Variants in YTHDF3 observed in about 807,000 individuals in gnomAD.
The protein encoded by YTHDF3 is YTH N6-methyladenosine RNA binding protein F3, also known as YTH domain-containing family protein 3.
YTHDF3 carries 9 observed loss-of-function variants against 52.5 expected under a neutral mutation model. The ratio of observed to expected loss-of-function variants is 0.17; its 90% CI spans 0.10 to 0.30. The LOEUF (loss-of-function observed/expected upper bound fraction) is 0.30. YTHDF3 is among the 10% of genes least tolerant of loss of function. The pLI, the probability that YTHDF3 is intolerant of heterozygous loss-of-function variation, is 1.00. For missense variants in YTHDF3, 534 were observed against 715.0 expected (o/e 0.75, Z 2.89); for synonymous variants, 274 against 243.3 (o/e 1.13, Z -1.18).
chr8:63,192,953 A>G (rs556782152), intron 4 of YTHDF3, among the ~76,000 whole-genome samples: 2 of 152,076 alleles, frequency 1.3e-5, no homozygotes, highest in East Asian at 1.9e-4. Context: ...CCAAGTGAAT[A>G]TCTTGGAAAC....
chr8:63,208,518 C>T (rs867669931), intron 4 of YTHDF3, among the ~76,000 whole-genome samples: 3 of 152,308 alleles, frequency 2.0e-5, no homozygotes, highest in South Asian at 4.1e-4. Context: ...CACCTGTGAA[C>T]TTGTTAGAAA....
chr8:63,193,545 C>T (rs892866009), intron 4 of YTHDF3, among the ~76,000 whole-genome samples: 3 of 152,020 alleles, frequency 2.0e-5, no homozygotes, highest in Non-Finnish European at 2.9e-5. Context: ...TGCTTCATCC[C>T]AGGAGTTTGA....
At chr8:63,173,690 G>A (rs1298863193) in intron 2 of YTHDF3, 2 of 985,108 alleles carry the variant, frequency 2.0e-6, no homozygotes, top group Admixed American at 1.2e-4. Context: ...AGGTATGTCA[G>A]AATCTCTTGG....
At position 63,187,023 on chromosome 8, in the gene YTHDF3, G is replaced by C. The variant is rs1476575863; in HGVS notation, c.1012G>C (p.Ala338Pro). ...GCAGCAACAAGGACCTCAGCCACAG[G>C]CCCAGCCTCACCAAGTGCAGCCTCA... The part of the protein sequence containing the change: ...PQQQQGPQPQ[A>P]QPHQVQPQQQ... Residue 338 changes from alanine to proline, a missense_variant, in exon 4 of 5, where the codon GCC becomes CCC. Coordinates refer to ENST00000539294, the MANE Select transcript of YTHDF3 (RefSeq NM_152758.6). 1 of 1,613,338 alleles carries C rather than the reference G, an allele frequency of 6.2e-7. No individual in the cohort carries two copies. Among genetic ancestry groups the C allele is most frequent in the Admixed American group, 1.7e-5 (1 of 59,922 alleles).
chr8:63,186,577 A>C lies in YTHDF3; in HGVS notation c.566A>C (p.Gln189Pro), dbSNP rs774882606. ...GTGCCTGGCATTAGCAGTATTGAGC[A>C]AGGCATGACTGGACTGAAAATTGGT... is the stretch of plus-strand genomic sequence containing the variant. ...SKVPGISSIE[Q>P]GMTGLKIGGD... The change falls in exon 4 of 5, where the codon CAA (glutamine) becomes CCA (proline). Residue 189 changes from glutamine to proline, a missense_variant. Gln to Pro is a moderately conservative substitution (Grantham distance 76). Coordinates refer to ENST00000539294, the MANE Select transcript of YTHDF3 (RefSeq NM_152758.6). 13 of 1,613,986 alleles carry C rather than the reference A, an allele frequency of 8.1e-6. No individual in the cohort carries two copies. Among genetic ancestry groups the C allele is most frequent in the Non-Finnish European group, 4.2e-6 (5 of 1,179,886 alleles).
In YTHDF3 at chr8:63,188,267, G is replaced by A. The variant is rs548083259; in HGVS notation, c.1734+522G>A. On this transcript the variant is annotated intron_variant, in intron 4 of 4. Coordinates refer to ENST00000539294, the MANE Select transcript of YTHDF3 (RefSeq NM_152758.6). ...CTGCCTTAGACTCCCAAGTAGCTGG[G>A]ACTACAGACCTGTACCACTGAACCT... 3.9e-5 allele frequency among the ~76,000 whole-genome samples: 6 copies of A among 151,960 alleles called. No homozygotes were observed. The East Asian group carries it at 7.7e-4, about 20-fold the overall frequency.
chr8:63,192,158 A>G (rs2150381477), intron 4 of YTHDF3, among the ~76,000 whole-genome samples: 1 of 152,210 alleles, frequency 6.6e-6, no homozygotes, highest in Admixed American at 6.5e-5. Context: ...TGCTTCCCCC[A>G]TGCCTAAGCC....
chr8:63,208,678 A>G (rs1260587469), intron 4 of YTHDF3, among the ~76,000 whole-genome samples: 1 of 152,222 alleles, frequency 6.6e-6, no homozygotes. Context: ...GGCATGTACA[A>G]TGCTAGTCAT....
At chr8:63,171,579 C>A (rs1807329406) in intron 2 of YTHDF3, among the ~76,000 whole-genome samples, 1 of 152,132 alleles carries the variant, frequency 6.6e-6, no homozygotes, top group African/African-American at 2.4e-5. Context: ...GGGAGAATTA[C>A]AAGGCAAAGG....
Position 63,209,884 on chromosome 8 carries a change from C to G in YTHDF3, c.*178C>G. 1.8e-6 allele frequency: 1 copy of G among 556,558 alleles called. No individual in the cohort carries two copies. The highest frequency in any genetic ancestry group is 3.6e-5 in the Admixed American group (1 of 27,660). 34.5% of individuals were successfully genotyped at this position (556,558 alleles called of 1,614,324 possible). On this transcript the variant is annotated 3_prime_UTR_variant, in exon 5 of 5. Transcript: ENST00000539294. ...TCATCAGCGCATCTGCCCTTATACT[C>G]TTCACCAAACACACTTGAGAACTGT...
rs574045554 is a variant in YTHDF3 at position 63,196,798 on chromosome 8, G to A, written c.1734+9053G>A. 2.6e-5 allele frequency among the ~76,000 whole-genome samples: 4 copies of A among 152,124 alleles called. No individual in the cohort carries two copies. In the South Asian group the frequency reaches 6.2e-4, roughly 24 times the overall value. On this transcript the variant is annotated intron_variant, in intron 4 of 4. Coordinates refer to ENST00000539294, the MANE Select transcript of YTHDF3 (RefSeq NM_152758.6). ...TATCAGTGAGGTGGGTTGGAGGGTC[G>A]GGGGAGTAAAAGAAGTGTAGACTTA...
chr8:63,180,800 C>T (rs555944512), intron 3 of YTHDF3, among the ~76,000 whole-genome samples: 8 of 152,214 alleles, frequency 5.3e-5, no homozygotes, highest in East Asian at 1.9e-4. Flanking sequence ...AGCGAAACCC[C>T]GTCTACACCA....
chr8:63,193,230 T>A (rs1257976386), intron 4 of YTHDF3, among the ~76,000 whole-genome samples: 1 of 151,708 alleles, frequency 6.6e-6, no homozygotes, highest in Non-Finnish European at 1.5e-5. Flanking sequence ...ATACAAAAGT[T>A]AGCCAGGCAT....
At chr8:63,199,753 G>A (rs1809478847) in intron 4 of YTHDF3, among the ~76,000 whole-genome samples, 1 of 151,936 alleles carries the variant, frequency 6.6e-6, no homozygotes, top group Non-Finnish European at 1.5e-5. Flanking sequence ...GACTTTACCT[G>A]TTTCTTGGAA....
intron 4 of YTHDF3, among the ~76,000 whole-genome samples, chr8:63,191,953 G>A (rs898876811): frequency 5.3e-5 from 8 of 152,004 alleles, no homozygotes; most frequent in Admixed American, 5.2e-4. Flanking sequence ...TGTAAATAAG[G>A]CTCCTATAAG....
At chr8:63,184,760 C>T (rs181854842) in intron 3 of YTHDF3, among the ~76,000 whole-genome samples, 5 of 152,234 alleles carry the variant, frequency 3.3e-5, no homozygotes, top group East Asian at 3.9e-4. Context: ...TGGTATTGAC[C>T]CTTGAAAAGT....
At chr8:63,195,019 G>T (rs551270211) in intron 4 of YTHDF3, among the ~76,000 whole-genome samples, 114 of 152,216 alleles carry the variant, frequency 7.5e-4, no homozygotes, top group African/African-American at 2.6e-3. Context: ...TTTATTGACT[G>T]ATTATTTTGG....
intron 2 of YTHDF3, among the ~76,000 whole-genome samples, chr8:63,170,836 CTTGT>C (rs1241517769): frequency 6.6e-6 from 1 of 152,068 alleles, no homozygotes; most frequent in African/African-American, 2.4e-5. Context: ...CTATGAGGTA[CTTGT>C]TTGTTAAAAC....
intron 4 of YTHDF3, among the ~76,000 whole-genome samples, chr8:63,204,306 T>G (rs1010709247): frequency 2.0e-5 from 3 of 152,126 alleles, no homozygotes; most frequent in Non-Finnish European, 4.4e-5. Context: ...AATCTACTGA[T>G]TTTTTCAATT....
Sources: allele counts gnomAD v4.1 joint callset (sites outside exome capture counted in the v4.1 genomes callset), GRCh38; gene constraint gnomAD v4.1.1; transcripts MANE v1.5; gene names NCBI Gene and HGNC (gene_info 2026-07-23, HGNC 2026-07-21).